Variants in ZNF839 observed in about 807,000 individuals in gnomAD.
ZNF839 encodes the protein zinc finger protein 839, also known as renal carcinoma antigen NY-REN-50.
In ZNF839, 38 loss-of-function variants were observed where a neutral mutation model predicts 56.4. The observed-to-expected ratio is 0.67, with a 90% CI of 0.52 to 0.88. The LOEUF (loss-of-function observed/expected upper bound fraction) is 0.88. Among genes scored for constraint, ZNF839 ranks in the 40% least tolerant of loss-of-function variants. ZNF839 has a pLI of 0.00. For synonymous variants in ZNF839, 486 were observed against 493.5 expected (o/e 0.98, Z 0.20); for missense variants, 1,091 against 1,177.6 (o/e 0.93, Z 1.08).
chr14:102,323,690 G>A (rs915450581), intron 1 of ZNF839, among the ~76,000 whole-genome samples: 1 of 152,092 alleles, frequency 6.6e-6, no homozygotes, highest in Non-Finnish European at 1.5e-5. Context: ...TTGAAATTTT[G>A]TTAGATATAT....
rs1426466113 is a variant in ZNF839 at position 102,342,210 on chromosome 14, T to C, written c.*31T>C. ...GTTCCTCTAGAAGCTGTGGAGTCGG[T>C]CGTCACCGTGGAGCCAGAGCCCTCA... On this transcript the variant is annotated 3_prime_UTR_variant, in exon 8 of 8. Transcript: ENST00000442396. 1.3e-6 allele frequency: 2 copies of C among 1,554,364 alleles called. No homozygotes were observed. The highest frequency in any genetic ancestry group is 1.7e-6 in the Non-Finnish European group (2 of 1,147,026).
chr14:102,330,418 G>C (rs2073717560), intron 2 of ZNF839, among the ~76,000 whole-genome samples: 1 of 151,752 alleles, frequency 6.6e-6, no homozygotes. Context: ...ATTTTTAGTA[G>C]AGACGGGGTT....
At chr14:102,327,768 G>T (rs1467456695) in intron 2 of ZNF839, among the ~76,000 whole-genome samples, 1 of 152,186 alleles carries the variant, frequency 6.6e-6, no homozygotes, top group Non-Finnish European at 1.5e-5. Flanking sequence ...CTGCCAAACA[G>T]GCCAGGAAAT....
intron 3 of ZNF839, 53 bp from the exon 4 acceptor site, chr14:102,334,501 A>G: frequency 7.4e-7 from 1 of 1,348,554 alleles, no homozygotes; most frequent in Non-Finnish European, 1.0e-6. Context: ...CTTGTTGGCT[A>G]TTGGGAAATT....
chr14:102,338,931 G>A lies in ZNF839; in HGVS notation c.1775G>A (p.Ser592Asn), dbSNP rs1197424471. The change falls in exon 6 of 8, where the codon AGC becomes AAC. Residue 592 changes from serine to asparagine, a missense_variant. Transcript: ENST00000442396. Reference sequence around the variant, plus strand: ...GATGGGGAGCAGCTAGAGGGAGCTAGCAGCGAGAAGAGGGAACGTGAGGTG... The same window carrying A: ...GATGGGGAGCAGCTAGAGGGAGCTAACAGCGAGAAGAGGGAACGTGAGGTG... Reference protein sequence around the residue: ...DMDGEQLEGASSEKREREAAE... With the variant: ...DMDGEQLEGANSEKREREAAE... 2 of 1,614,032 alleles carry A rather than the reference G, an allele frequency of 1.2e-6. No individual in the cohort carries two copies. Among genetic ancestry groups the A allele is most frequent in the Middle Eastern group, 1.6e-4 (1 of 6,062 alleles).
intron 5 of ZNF839, among the ~76,000 whole-genome samples, chr14:102,338,292 C>A (rs753763553): frequency 1.1e-4 from 16 of 152,156 alleles, no homozygotes; most frequent in Non-Finnish European, 2.2e-4. Context: ...AATCCCAACA[C>A]TTTGGGAGGC....
intron 3 of ZNF839, among the ~76,000 whole-genome samples, chr14:102,333,384 G>T (rs1228128356): frequency 6.7e-6 from 1 of 150,138 alleles, no homozygotes; most frequent in Non-Finnish European, 1.5e-5. Context: ...TCAGCCTCCC[G>T]AGTAGCTGGA....
rs1412086227 is a variant in ZNF839 at position 102,338,903 on chromosome 14, A to G, written c.1747A>G (p.Met583Val). The stretch of plus-strand genomic sequence containing the variant: ...TGGACCCAAGCACCTCAGCCGAGAC[A>G]TGGATGGGGAGCAGCTAGAGGGAGC... ...NLGPKHLSRD[M>V]DGEQLEGASS... The change falls in exon 6 of 8, where the codon ATG (methionine) becomes GTG (valine). Residue 583 changes from methionine to valine, a missense_variant. Transcript: ENST00000442396. The G allele has an allele frequency of 1.9e-6, 3 of 1,613,988 alleles. No homozygotes were observed. Among genetic ancestry groups the G allele is most frequent in the East Asian group, 4.5e-5 (2 of 44,882 alleles).
At chr14:102,331,398 G>A (rs753504132) in intron 2 of ZNF839, 22 of 455,454 alleles carry the variant, frequency 4.8e-5, no homozygotes, top group African/African-American at 7.9e-5. Flanking sequence ...ACAGGCGCGC[G>A]CCACCGCGCC....
At chr14:102,320,829 C>G (rs1275496335) in intron 1 of ZNF839, among the ~76,000 whole-genome samples, 1 of 152,182 alleles carries the variant, frequency 6.6e-6, no homozygotes. Flanking sequence ...TCGCCCAACT[C>G]CGGAGGGTGA....
chr14:102,317,770 C>T (rs2072938583), upstream of ZNF839: 1 of 152,164 alleles, frequency 6.6e-6, no homozygotes, highest in African/African-American at 2.4e-5. Flanking sequence ...GAAACCTTCT[C>T]TTGCTTTTTG....
chr14:102,324,889 G>A (rs539482764), intron 1 of ZNF839, among the ~76,000 whole-genome samples: 5 of 150,460 alleles, frequency 3.3e-5, no homozygotes, highest in Non-Finnish European at 5.9e-5. Context: ...GGCGGAGGTC[G>A]CAGTGAGCCA....
chr14:102,339,262 C>A, intron 7 of ZNF839, 39 bp downstream of exon 7: 1 of 1,595,400 alleles, frequency 6.3e-7, no homozygotes, highest in Non-Finnish European at 8.5e-7. Context: ...TATCCATGGC[C>A]TGGCAGCCCT....
upstream of ZNF839, among the ~76,000 whole-genome samples, chr14:102,318,458 C>T (rs901839415): frequency 2.0e-5 from 3 of 152,014 alleles, no homozygotes; most frequent in African/African-American, 7.3e-5. Flanking sequence ...CATGATGAAA[C>T]CCCGTCTCTA....
At position 102,328,732 on chromosome 14, in the gene ZNF839, G is replaced by A. The variant is rs2073607601; in HGVS notation, c.1191+1845G>A. 2.6e-5 allele frequency among the ~76,000 whole-genome samples: 4 copies of A among 151,992 alleles called. No individual in the cohort carries two copies. In the South Asian group the frequency reaches 6.2e-4, roughly 24 times the overall value. On this transcript the variant is annotated intron_variant, in intron 2 of 7. Coordinates refer to ENST00000442396, the MANE Select transcript of ZNF839 (RefSeq NM_018335.6). The stretch of plus-strand genomic sequence containing the variant: ...ATTTCCGTATAGAAGTGGAGTCACA[G>A]GGTATTTGTCTTTCTGTGGCTGGCT...
intron 2 of ZNF839, among the ~76,000 whole-genome samples, chr14:102,331,123 G>A (rs1395509834): frequency 1.3e-5 from 2 of 152,184 alleles, no homozygotes; most frequent in Admixed American, 1.3e-4. Flanking sequence ...TTCAAAGGAT[G>A]AATTTTATGG....
Position 102,341,815 on chromosome 14 carries a change from A to G in ZNF839, c.2420A>G (p.Asp807Gly), listed in dbSNP as rs1184136532. ...APPLEKILSV[D>G]SVAVDCAYRT... ...CCGCTTGAGAAAATTTTGTCTGTGG[A>G]TAGCGTGGCAGTGGACTGTGCCTAC... The change falls in exon 8 of 8, where the codon GAT becomes GGT. Residue 807 changes from aspartate to glycine, a missense_variant. Physicochemically the swap from Asp to Gly is moderately conservative, Grantham distance 94 (BLOSUM62 -1). Transcript: ENST00000442396. 4 of 1,613,888 alleles carry G rather than the reference A, an allele frequency of 2.5e-6. No homozygotes were observed. The African/African-American group carries it at 5.3e-5, about 22-fold the overall frequency.
At chr14:102,335,505 C>T (rs2073975875) in intron 4 of ZNF839, 184 bp from the exon 5 acceptor site, 1 of 599,892 alleles carries the variant, frequency 1.7e-6, no homozygotes, top group Admixed American at 3.2e-5. Flanking sequence ...CCTCCCATGC[C>T]CATCCTGGCT....
At chr14:102,341,068 CAAAAAAAAAAA>C (rs60659700) in intron 7 of ZNF839, 11 of 82,946 alleles carry the variant, frequency 1.3e-4, no homozygotes, top group Non-Finnish European at 2.3e-4. Flanking sequence ...GACTCCATCT[CAAAAAAAAAAA>C]AAAAAAAAAA....
Sources: allele counts gnomAD v4.1 joint callset (sites outside exome capture counted in the v4.1 genomes callset), GRCh38; gene constraint gnomAD v4.1.1; transcripts MANE v1.5; gene names NCBI Gene and HGNC (gene_info 2026-07-23, HGNC 2026-07-21).